IL6R: variants seen among roughly 807,000 people sequenced by gnomAD.
IL6R encodes interleukin 6 receptor.
Under a neutral mutation model 48.3 loss-of-function variants are expected in IL6R, and 38 were observed. The ratio of observed to expected loss-of-function variants is 0.79; its 90% CI spans 0.61 to 1.03. IL6R has a LOEUF of 1.03. IL6R is among the 50% of genes least tolerant of loss of function. The pLI is 0.00. For missense variants in IL6R, 534 were observed against 618.3 expected (o/e 0.86, Z 1.45); for synonymous variants, 264 against 256.2 (o/e 1.03, Z -0.29).
At chr1:154,412,566 C>A (rs1240816354) in intron 1 of IL6R, among the ~76,000 whole-genome samples, 1 of 152,064 alleles carries the variant, frequency 6.6e-6, no homozygotes, top group African/African-American at 2.4e-5. Context: ...CCTTTAAAAG[C>A]CTATTTTGAT....
intron 6 of IL6R, among the ~76,000 whole-genome samples, chr1:154,443,348 G>A (rs1200698810): frequency 6.6e-6 from 1 of 152,196 alleles, no homozygotes; most frequent in African/African-American, 2.4e-5. Flanking sequence ...GCACTCCCAA[G>A]TGGGACATTC....
chr1:154,458,970 T>C (rs1691087336), intron 9 of IL6R, among the ~76,000 whole-genome samples: 1 of 151,714 alleles, frequency 6.6e-6, no homozygotes, highest in Non-Finnish European at 1.5e-5. Flanking sequence ...CTATAGGGCC[T>C]TAAGGGTCAT....
chr1:154,432,409 G>A (rs1399684569), intron 3 of IL6R, among the ~76,000 whole-genome samples: 2 of 150,828 alleles, frequency 1.3e-5, no homozygotes, highest in African/African-American at 2.4e-5. Context: ...CCAGGCTGGA[G>A]TGCAGTGGTG....
At chr1:154,445,060 G>C (rs1267888772) in intron 6 of IL6R, 2 of 456,024 alleles carry the variant, frequency 4.4e-6, no homozygotes, top group Non-Finnish European at 8.8e-6. Flanking sequence ...TCTCTCCACA[G>C]ACCATCCCGG....
intron 1 of IL6R, among the ~76,000 whole-genome samples, chr1:154,422,649 G>A (rs11265611): frequency 0.58 from 88,845 of 152,026 alleles, 26,211 homozygotes; most frequent in Admixed American, 0.66. Flanking sequence ...TCCTGGCTCT[G>A]AATGCTGAGC....
intron 1 of IL6R, among the ~76,000 whole-genome samples, chr1:154,413,008 CTT>C (rs1338006987): frequency 2.1e-5 from 3 of 144,702 alleles, no homozygotes; most frequent in African/African-American, 7.5e-5. Flanking sequence ...GGTTCCCCCC[CTT>C]TTTTTTTTTG....
At chr1:154,410,396 C>A (rs543626782) in intron 1 of IL6R, among the ~76,000 whole-genome samples, 1 of 152,174 alleles carries the variant, frequency 6.6e-6, no homozygotes, top group Admixed American at 6.5e-5. Context: ...GGACTACAGG[C>A]GTGCACCACC....
rs540338913 is a variant in IL6R at position 154,407,509 on chromosome 1, A to C, written c.85+1795A>C. ...TCCTCCCAGCTCAGAAGGAAAATGC[A>C]GAGAAGTAGAAATACCCAGCCCCTC... On this transcript the variant is annotated intron_variant, in intron 1 of 9. Coordinates refer to ENST00000368485, the MANE Select transcript of IL6R (RefSeq NM_000565.4). Among the ~76,000 whole-genome samples, 15 of 152,338 alleles carry C rather than the reference A, an allele frequency of 9.8e-5. No individual in the cohort carries two copies. The South Asian group carries it at 1.7e-3, about 17-fold the overall frequency.
Position 154,446,855 on chromosome 1 carries a change from T to G in IL6R, c.950-1270T>G, listed in dbSNP as rs1357434382. On this transcript the variant is annotated intron_variant, in intron 6 of 9. Coordinates refer to ENST00000368485, the MANE Select transcript of IL6R (RefSeq NM_000565.4). ...TCCTGTGTGCAAATATATAGTATTA[T>G]GATATATACTGTGTTACACAATAAT... 7.2e-5 allele frequency among the ~76,000 whole-genome samples: 11 copies of G among 152,386 alleles called. No individual in the cohort carries two copies. The East Asian group carries it at 1.7e-3, about 24-fold the overall frequency.
Position 154,435,966 on chromosome 1 carries a change from C to T in IL6R, c.808-3C>T, listed in dbSNP as rs368307223. 39 of 1,596,318 alleles carry T rather than the reference C, an allele frequency of 2.4e-5. No homozygotes were observed. The highest frequency in any genetic ancestry group is 3.2e-5 in the Non-Finnish European group (37 of 1,166,830). Reference sequence around the variant, plus strand: ...CCCAGAGTCACCGTGCCCCCGCCCTCAGGTCAAGGACCTCCAGCATCACTG... The same window carrying T: ...CCCAGAGTCACCGTGCCCCCGCCCTTAGGTCAAGGACCTCCAGCATCACTG... On this transcript the variant is annotated splice_region_variant and splice_polypyrimidine_tract_variant and intron_variant, in intron 5 of 9. Coordinates refer to ENST00000368485, the MANE Select transcript of IL6R (RefSeq NM_000565.4).
At chr1:154,430,675 G>T in intron 3 of IL6R, 69 bp downstream of exon 3, 1 of 1,584,000 alleles carries the variant, frequency 6.3e-7, no homozygotes, top group South Asian at 1.1e-5. Flanking sequence ...GAGAGGGGCT[G>T]GTTCAGGTGA....
chr1:154,417,242 C>T (rs1023586721), intron 1 of IL6R, among the ~76,000 whole-genome samples: 4 of 152,314 alleles, frequency 2.6e-5, no homozygotes, highest in East Asian at 3.9e-4. Flanking sequence ...AAGCCTGGAC[C>T]GAGAGTCCCA....
At chr1:154,426,193 C>CAT (rs1553305790) in intron 1 of IL6R, among the ~76,000 whole-genome samples, 3 of 149,140 alleles carry the variant, frequency 2.0e-5, no homozygotes, top group African/African-American at 7.4e-5. Flanking sequence ...CACACACACA[C>CAT]ATATATACAC....
intron 6 of IL6R, among the ~76,000 whole-genome samples, chr1:154,447,730 TTGAGACGGA>T (rs1341544110): frequency 6.6e-6 from 1 of 151,702 alleles, no homozygotes; most frequent in Non-Finnish European, 1.5e-5. Context: ...TGTTTTGTTT[TTGAGACGGA>T]GTTTTGCTCT....
intron 3 of IL6R, among the ~76,000 whole-genome samples, chr1:154,432,549 G>A (rs967459079): frequency 6.6e-6 from 1 of 152,090 alleles, no homozygotes; most frequent in Non-Finnish European, 1.5e-5. Context: ...GTAGAGATGA[G>A]GTTTCACCAT....
chr1:154,422,193 C>T (rs900984948), intron 1 of IL6R, among the ~76,000 whole-genome samples: 7 of 152,274 alleles, frequency 4.6e-5, no homozygotes, highest in African/African-American at 1.2e-4. Context: ...CTGCCCGCCT[C>T]GGCCTCCCAC....
chr1:154,446,109 G>A (rs1690214045), intron 6 of IL6R, among the ~76,000 whole-genome samples: 1 of 151,996 alleles, frequency 6.6e-6, no homozygotes, highest in Non-Finnish European at 1.5e-5. Flanking sequence ...GTGCCTCCAT[G>A]CCCTCAGGTC....
At position 154,435,127 on chromosome 1, in the gene IL6R, G is replaced by A. The variant is rs1416815377; in HGVS notation, c.778G>A (p.Glu260Lys). Reference sequence around the variant, plus strand: ...ACGGTTTGAGCTCAGATATCGGGCTGAACGGTCAAAGACATTCACAACATG... The same window carrying A: ...ACGGTTTGAGCTCAGATATCGGGCTAAACGGTCAAAGACATTCACAACATG... ...RLRFELRYRA[E>K]RSKTFTTWMV... The change falls in exon 5 of 10, where the codon GAA (glutamate) becomes AAA (lysine). Residue 260 changes from glutamate (E) to lysine (K), a missense_variant. By Grantham distance (56) the Glu-to-Lys change is moderately conservative (BLOSUM62 1). Transcript: ENST00000368485. 6.2e-7 allele frequency: 1 copy of A among 1,614,130 alleles called. No individual in the cohort carries two copies. Among genetic ancestry groups the A allele is most frequent in the Non-Finnish European group, 8.5e-7 (1 of 1,179,992 alleles).
At chr1:154,412,242 C>G (rs539139841) in intron 1 of IL6R, among the ~76,000 whole-genome samples, 2 of 150,942 alleles carry the variant, frequency 1.3e-5, no homozygotes, top group Non-Finnish European at 3.0e-5. Context: ...CCACCGTGCC[C>G]GGTGAGCCTT....
Sources: allele counts gnomAD v4.1 joint callset (sites outside exome capture counted in the v4.1 genomes callset), GRCh38; gene constraint gnomAD v4.1.1; transcripts MANE v1.5; gene names NCBI Gene and HGNC (gene_info 2026-07-23, HGNC 2026-07-21).